Variants in NETO2 observed in about 807,000 individuals in gnomAD.
NETO2 encodes neuropilin and tolloid-like protein 2.
In NETO2, 28 loss-of-function variants were observed where a neutral mutation model predicts 62.5. The ratio of observed to expected loss-of-function variants is 0.45; its 90% confidence interval spans 0.33 to 0.61. NETO2 has a LOEUF of 0.61. NETO2 is among the 20% of genes least tolerant of loss of function. The pLI is 0.02. For missense variants in NETO2, 548 were observed against 643.2 expected (o/e 0.85, Z 1.60); for synonymous variants, 214 against 219.1 (o/e 0.98, Z 0.21).
rs1963101516 is a variant in NETO2 at position 47,083,028 on chromosome 16, G to GT, written c.*192dup. ...ATGATTATTGTTTCCACTGAATAGAGTAAGTTCCTTGATTGGTTTAACATA... is the reference window on the plus strand; with the variant it reads ...ATGATTATTGTTTCCACTGAATAGAGTTAAGTTCCTTGATTGGTTTAACATA... On this transcript the variant is annotated 3_prime_UTR_variant, in exon 9 of 9. Coordinates refer to ENST00000562435, the MANE Select transcript of NETO2 (RefSeq NM_018092.5). The GT allele has an allele frequency of 1.9e-6, 1 of 529,232 alleles. No individual in the cohort carries two copies. The highest frequency in any genetic ancestry group is 2.9e-5 in the East Asian group (1 of 34,254). The allele number at this position is 529,232 out of a possible 1,614,324, so 32.8% of individuals were successfully genotyped here.
intron 6 of NETO2, among the ~76,000 whole-genome samples, chr16:47,110,343 C>T (rs535097814): frequency 6.6e-6 from 1 of 152,306 alleles, no homozygotes; most frequent in East Asian, 1.9e-4. Flanking sequence ...TTAGCATCCC[C>T]CATTCAAATT....
intron 7 of NETO2, among the ~76,000 whole-genome samples, chr16:47,094,403 T>TTTTATTTATTTATTTA (rs201234690): frequency 2.0e-5 from 3 of 151,324 alleles, no homozygotes; most frequent in African/African-American, 4.9e-5. Flanking sequence ...GGAAGGTTTG[T>TTTTATTTATTTATTTA]TTTATTTATT....
chr16:47,089,222 G>A (rs546181443), intron 7 of NETO2, among the ~76,000 whole-genome samples: 1 of 152,136 alleles, frequency 6.6e-6, no homozygotes, highest in South Asian at 2.1e-4. Context: ...AGAACCCCTT[G>A]GTGGCTGACA....
At chr16:47,133,964 G>A (rs1244417712) in intron 1 of NETO2, among the ~76,000 whole-genome samples, 2 of 152,194 alleles carry the variant, frequency 1.3e-5, no homozygotes. Flanking sequence ...GGAAGGAAAG[G>A]TGATCATGTT....
At chr16:47,104,091 C>T (rs376411673) in intron 7 of NETO2, among the ~76,000 whole-genome samples, 4 of 152,112 alleles carry the variant, frequency 2.6e-5, no homozygotes, top group Non-Finnish European at 5.9e-5. Context: ...TCTCTGTTCA[C>T]AGACAACACA....
chr16:47,120,182 A>G (rs1964008322), intron 6 of NETO2, among the ~76,000 whole-genome samples: 1 of 152,182 alleles, frequency 6.6e-6, no homozygotes, highest in South Asian at 2.1e-4. Flanking sequence ...AGATAGAGAC[A>G]TTCTTGATTT....
chr16:47,108,077 CAAT>C (rs1202789562), intron 7 of NETO2, among the ~76,000 whole-genome samples: 1 of 151,792 alleles, frequency 6.6e-6, no homozygotes, highest in African/African-American at 2.4e-5. Context: ...TGCCCGGTCA[CAAT>C]AATAATATTA....
intron 7 of NETO2, among the ~76,000 whole-genome samples, chr16:47,096,595 C>G (rs750855650): frequency 6.6e-5 from 10 of 151,932 alleles, no homozygotes; most frequent in Non-Finnish European, 1.3e-4. Flanking sequence ...ATAATGAAGC[C>G]AAAGAAAATC....
At chr16:47,121,747 T>A (rs1319754716) in intron 6 of NETO2, among the ~76,000 whole-genome samples, 2 of 152,234 alleles carry the variant, frequency 1.3e-5, no homozygotes, top group Non-Finnish European at 2.9e-5. Flanking sequence ...TGTCTACCCC[T>A]GTGCAGTAAC....
At chr16:47,111,575 A>G (rs1170123868) in intron 6 of NETO2, among the ~76,000 whole-genome samples, 1 of 152,158 alleles carries the variant, frequency 6.6e-6, no homozygotes, top group Admixed American at 6.5e-5. Flanking sequence ...TCTTTTACTT[A>G]CAACTTTCAT....
chr16:47,081,063 T>G lies in NETO2; in HGVS notation c.*2158A>C, dbSNP rs1162718955. 1 of 152,156 alleles carries G rather than the reference T, an allele frequency of 6.6e-6. No homozygotes were observed. The highest frequency in any genetic ancestry group is 2.4e-5 in the African/African-American group (1 of 41,460). 9.4% of individuals were successfully genotyped at this position (152,156 alleles called of 1,614,324 possible). On this transcript the variant is annotated 3_prime_UTR_variant, in exon 9 of 9. Transcript: ENST00000562435. ...TTTTGTAGGCCTCTTCAAGACCTTA[T>G]AAATAGAAATCAAATTTCAAAAACA...
At position 47,093,842 on chromosome 16, in the gene NETO2, C is replaced by T. The variant is rs530866736; in HGVS notation, c.884-7503G>A. Among the ~76,000 whole-genome samples, 11 of 152,296 alleles carry T rather than the reference C, an allele frequency of 7.2e-5. No homozygotes were observed. The South Asian group carries it at 1.9e-3, about 26-fold the overall frequency. Reference sequence around the variant, plus strand: ...TCAAAAATATCTGATATCTTACTGTCACACTTTTGTATTTACAAACTCTGT... The same window carrying T: ...TCAAAAATATCTGATATCTTACTGTTACACTTTTGTATTTACAAACTCTGT... On this transcript the variant is annotated intron_variant, in intron 7 of 8. Transcript: ENST00000562435.
intron 1 of NETO2, among the ~76,000 whole-genome samples, chr16:47,142,769 T>C (rs1410358000): frequency 6.6e-6 from 1 of 152,264 alleles, no homozygotes; most frequent in Non-Finnish European, 1.5e-5. Context: ...AATTTTCATC[T>C]AAATTACCAC....
At position 47,081,879 on chromosome 16, in the gene NETO2, A is replaced by G. The variant is rs1245350096; in HGVS notation, c.*1342T>C. The G allele has an allele frequency of 6.6e-6, 1 of 152,586 alleles. No individual in the cohort carries two copies. The highest frequency in any genetic ancestry group is 1.5e-5 in the Non-Finnish European group (1 of 68,004). 9.5% of individuals were successfully genotyped at this position (152,586 alleles called of 1,614,324 possible). The stretch of plus-strand genomic sequence containing the variant: ...CAGTGAAAAATTTATCACAAACTAA[A>G]TACAGTAACAAAAGGAAAGAAAGAG... On this transcript the variant is annotated 3_prime_UTR_variant, in exon 9 of 9. Coordinates refer to ENST00000562435, the MANE Select transcript of NETO2 (RefSeq NM_018092.5).
In NETO2 at chr16:47,079,500, CAGG is replaced by C. The variant is rs1009545045; in HGVS notation, c.*3718_*3720del. The C allele has an allele frequency of 1.3e-5, 2 of 151,720 alleles. No individual in the cohort carries two copies. The highest frequency in any genetic ancestry group is 4.9e-5 in the African/African-American group (2 of 41,204). The allele number at this position is 151,720 out of a possible 1,614,324, so 9.4% of individuals were successfully genotyped here. A position where few individuals can be genotyped will look rare whatever the true frequency, so the allele number is the denominator to read the frequency against. On this transcript the variant is annotated 3_prime_UTR_variant, in exon 9 of 9. Transcript: ENST00000562435. ...GTCCCAGCTACTTGGGAGACTGAGG[CAGG>C]AGAATAGCGTGAACCCGGGAGGCGG...
At chr16:47,126,392 A>G (rs1019952309) in intron 4 of NETO2, among the ~76,000 whole-genome samples, 3 of 152,244 alleles carry the variant, frequency 2.0e-5, no homozygotes, top group Admixed American at 6.5e-5. Flanking sequence ...TCCATACTGT[A>G]TAATTCCAGT....
intron 7 of NETO2, 38 bp downstream of exon 7, chr16:47,109,445 T>C (rs1963741967): frequency 1.9e-5 from 28 of 1,467,576 alleles, no homozygotes; most frequent in Non-Finnish European, 2.1e-5. Context: ...GTGAAAAATA[T>C]GTAAAAGATC....
intron 6 of NETO2, among the ~76,000 whole-genome samples, chr16:47,119,416 G>A (rs914595958): frequency 6.6e-6 from 1 of 151,996 alleles, no homozygotes; most frequent in Admixed American, 6.6e-5. Context: ...CTCCCAAAGT[G>A]CTGGGATTAC....
intron 6 of NETO2, among the ~76,000 whole-genome samples, chr16:47,115,714 C>CATATATATATATATATATATATGTAT: frequency 7.8e-6 from 1 of 128,504 alleles, no homozygotes; most frequent in African/African-American, 3.5e-5. Flanking sequence ...TATATATATA[C>CATATATATATATATATATATATGTAT]ATATATATAT....
Sources: gnomAD v4.1 joint callset for allele counts (sites outside exome capture counted in the v4.1 genomes callset) on GRCh38, gnomAD v4.1.1 for gene constraint, MANE v1.5 for transcripts, NCBI Gene and HGNC (gene_info 2026-07-23, HGNC 2026-07-21) for gene names.